Variants in PRKDC observed in about 807,000 individuals in gnomAD.
PRKDC encodes protein kinase, DNA-activated, catalytic subunit.
PRKDC carries 82 observed loss-of-function variants against 486.9 expected under a neutral mutation model. That is an observed-to-expected ratio of 0.17 (90% CI 0.14 to 0.20). The LOEUF is 0.20. PRKDC is among the 10% of genes least tolerant of loss of function. PRKDC has a pLI of 1.00. For synonymous variants in PRKDC, 1,895 were observed against 1,837.0 expected, an observed-to-expected ratio of 1.03 and a Z score of -0.81; for missense variants, 4,504 against 5,038.2, an observed-to-expected ratio of 0.89 and a Z score of 3.21.
intron 40 of PRKDC, among the ~76,000 whole-genome samples, chr8:47,873,976 A>G (rs1032565444): frequency 1.6e-4 from 24 of 147,320 alleles, no homozygotes; most frequent in Admixed American, 4.1e-4. Flanking sequence ...AGTCAATGGT[A>G]TTTTGCTATT....
intron 31 of PRKDC, among the ~76,000 whole-genome samples, chr8:47,891,362 T>C (rs972328376): frequency 6.6e-6 from 1 of 152,216 alleles, no homozygotes; most frequent in African/African-American, 2.4e-5. Flanking sequence ...TCAACTGACC[T>C]CGTTAAAAAT....
rs555426843 is a variant in PRKDC, at chr8:47,830,574, G to A, written c.8397+31C>T. 4.9e-4 allele frequency: 795 copies of A among 1,607,928 alleles called. 10 individuals are homozygous for A. In the South Asian group the frequency reaches 8.1e-3, roughly 16 times the overall value. ...CTGAACTGGAAACAGATTTTAACCT[G>A]TCAACAGAAAACGCAGCGGCAAAAA... On this transcript the variant is annotated intron_variant, in intron 61 of 85. Coordinates refer to ENST00000314191, the MANE Select transcript of PRKDC (RefSeq NM_006904.7).
At chr8:47,840,872 G>A (rs986356901) in intron 54 of PRKDC, among the ~76,000 whole-genome samples, 1 of 152,180 alleles carries the variant, frequency 6.6e-6, no homozygotes, top group African/African-American at 2.4e-5. Flanking sequence ...ATAGGAGGGG[G>A]ACAAGATGGC....
At chr8:47,933,526 A>G (rs2090293999) in intron 15 of PRKDC, among the ~76,000 whole-genome samples, 1 of 152,260 alleles carries the variant, frequency 6.6e-6, no homozygotes, top group Non-Finnish European at 1.5e-5. Flanking sequence ...ATATATAGAC[A>G]CTATATCTTT....
chr8:47,807,279 T>C lies in PRKDC; in HGVS notation c.9605A>G (p.Glu3202Gly), dbSNP rs770954710. 15 of 1,608,256 alleles carry C rather than the reference T, an allele frequency of 9.3e-6. No individual in the cohort carries two copies. Among genetic ancestry groups the C allele is most frequent in the Non-Finnish European group, 1.3e-5 (15 of 1,176,912 alleles). The change falls in exon 69 of 86, where the codon GAA (glutamate) becomes GGA (glycine). Residue 3202 changes from glutamate (E) to glycine (G), a missense_variant. Glu to Gly is a moderately conservative substitution (Grantham distance 98). Transcript: ENST00000314191. ...TTGATCCACATTCATACTATTATCT[T>C]CTGGAAGAGGGGTAAGCTTCTCCTC... ...KIEEKLTPLP[E>G]DNSMNVDQDG...
At chr8:47,927,132 T>A in intron 21 of PRKDC, 62 bp downstream of exon 21, 1 of 1,504,266 alleles carries the variant, frequency 6.6e-7, no homozygotes. Context: ...CAGTCCTACC[T>A]ATTATAGTTA....
At chr8:47,955,236 G>C (rs1416530533) in intron 4 of PRKDC, among the ~76,000 whole-genome samples, 1 of 151,458 alleles carries the variant, frequency 6.6e-6, no homozygotes, top group Admixed American at 6.6e-5. Context: ...GCCGAGGCGG[G>C]CGGATCACGA....
chr8:47,859,477 C>G (rs999811008), intron 46 of PRKDC, 134 bp downstream of exon 46: 30 of 1,084,868 alleles, frequency 2.8e-5, no homozygotes, highest in Non-Finnish European at 3.6e-5. Flanking sequence ...GGAAAATTCT[C>G]CAAATTAACT....
intron 30 of PRKDC, among the ~76,000 whole-genome samples, chr8:47,895,026 T>G (rs1403347169): frequency 6.6e-6 from 1 of 152,066 alleles, no homozygotes; most frequent in Non-Finnish European, 1.5e-5. Context: ...TGAACTATAA[T>G]CATGTCACTG....
chr8:47,807,431 T>C, intron 68 of PRKDC, 105 bp from the exon 69 acceptor site: 1 of 1,032,000 alleles, frequency 9.7e-7, no homozygotes, highest in Non-Finnish European at 1.4e-6. Context: ...TTGTTCTTTT[T>C]TTTTTGAGAT....
intron 54 of PRKDC, 55 bp downstream of exon 54, chr8:47,849,099 A>G: frequency 6.3e-7 from 1 of 1,580,612 alleles, no homozygotes; most frequent in South Asian, 1.1e-5. Context: ...ACGTCTTAAT[A>G]AATTAACGCT....
Position 47,782,062 on chromosome 8 carries a change from C to T in PRKDC, c.11489+100G>A. 1.0e-6 allele frequency: 1 copy of T among 984,072 alleles called. No homozygotes were observed. The highest frequency in any genetic ancestry group is 1.6e-6 in the Non-Finnish European group (1 of 637,800). 61.0% of individuals were successfully genotyped at this position (984,072 alleles called of 1,614,324 possible). ...CCCAGCCAGCAGACTGCGGGGCAGG[C>T]AGTGTGGGCTCTCGAGCGCGCCTGT... On this transcript the variant is annotated intron_variant, in intron 80 of 85. Transcript: ENST00000314191. The surrounding 1 kb of genome is among the most constrained non-coding windows in gnomAD (Gnocchi z 4.9).
chr8:47,862,182 C>A, intron 43 of PRKDC, 55 bp from the exon 44 acceptor site: 1 of 1,465,338 alleles, frequency 6.8e-7, no homozygotes, highest in South Asian at 1.3e-5. Context: ...TCCTCATAAT[C>A]GATGTTACTT....
At chr8:47,947,588 T>A (rs1472090465) in intron 7 of PRKDC, among the ~76,000 whole-genome samples, 1 of 152,130 alleles carries the variant, frequency 6.6e-6, no homozygotes, top group African/African-American at 2.4e-5. Flanking sequence ...ACCGACATGG[T>A]GAAACCCCAT....
At chr8:47,837,458 T>C (rs752407968) in intron 56 of PRKDC, 39 bp from the exon 57 acceptor site, 6 of 1,483,328 alleles carry the variant, frequency 4.0e-6, no homozygotes, top group South Asian at 3.5e-5. Context: ...GCTTAGACAA[T>C]GGCAAATGGG....
intron 68 of PRKDC, among the ~76,000 whole-genome samples, chr8:47,811,429 AAAGG>A (rs1332677990): frequency 3.3e-5 from 5 of 152,216 alleles, no homozygotes; most frequent in African/African-American, 1.2e-4. Context: ...TTTTTAGGCT[AAAGG>A]AAAATGACAC....
chr8:47,935,928 G>A (rs2090343411), intron 12 of PRKDC, 28 bp from the exon 13 acceptor site: 1 of 1,584,670 alleles, frequency 6.3e-7, no homozygotes, highest in Non-Finnish European at 8.6e-7. Context: ...CAAACCGTGA[G>A]TTAGAGGAGG....
At chr8:47,865,258 C>A (rs552865970) in intron 40 of PRKDC, among the ~76,000 whole-genome samples, 3 of 152,056 alleles carry the variant, frequency 2.0e-5, no homozygotes, top group South Asian at 4.2e-4. Flanking sequence ...TGGTGGTGTG[C>A]GCCTCTAGTC....
chr8:47,880,195 C>T (rs2089182934), intron 38 of PRKDC, among the ~76,000 whole-genome samples: 1 of 152,106 alleles, frequency 6.6e-6, no homozygotes, highest in Non-Finnish European at 1.5e-5. Context: ...TTGACGCCAG[C>T]TATGGACACA....
Sources: allele counts gnomAD v4.1 joint callset (sites outside exome capture counted in the v4.1 genomes callset), GRCh38; gene constraint gnomAD v4.1.1; non-coding constraint Gnocchi (gnomAD v3.1); transcripts MANE v1.5; gene names NCBI Gene and HGNC (gene_info 2026-07-23, HGNC 2026-07-21).